Variants in PTPRD observed in about 807,000 individuals in gnomAD.
The protein encoded by PTPRD is receptor-type tyrosine-protein phosphatase delta.
A neutral mutation model predicts 214.5 loss-of-function variants in PTPRD; 34 were observed. That is an observed-to-expected ratio of 0.16 (90% CI 0.12 to 0.21). The LOEUF (loss-of-function observed/expected upper bound fraction) is 0.21, where lower values mean the gene tolerates loss of function less well. Among genes scored for constraint, PTPRD ranks in the 10% least tolerant of loss-of-function variants. The probability of loss-of-function intolerance (pLI) is 1.00; values close to 1 mark genes in which losing one functional copy is unlikely to be tolerated. For missense variants in PTPRD, 2,545 were observed against 2,398.7 expected (o/e 1.06, Z -1.27); for synonymous variants, 1,128 against 845.7 (o/e 1.33, Z -5.79).
intron 2 of PTPRD, among the ~76,000 whole-genome samples, chr9:10,509,397 T>C (rs2047176260): frequency 6.6e-6 from 1 of 151,400 alleles, no homozygotes; most frequent in Non-Finnish European, 1.5e-5. Flanking sequence ...ACGGTTATTT[T>C]ACTCCTCTTG....
At chr9:8,450,309 G>A (rs567678336) in intron 33 of PTPRD, among the ~76,000 whole-genome samples, 1 of 152,224 alleles carries the variant, frequency 6.6e-6, no homozygotes, top group African/African-American at 2.4e-5. Flanking sequence ...TGACTACAGA[G>A]AGTAGATGCC....
chr9:10,602,159 T>A (rs1470371625), intron 2 of PTPRD, among the ~76,000 whole-genome samples: 1 of 151,834 alleles, frequency 6.6e-6, no homozygotes, highest in South Asian at 2.1e-4. Context: ...TGCCATCTTG[T>A]GGTATTAATT....
chr9:9,065,494 G>T (rs74552863), intron 10 of PTPRD, among the ~76,000 whole-genome samples: 1,646 of 152,300 alleles, frequency 0.011, 31 homozygotes, highest in African/African-American at 0.038. Flanking sequence ...AAGATACACG[G>T]TCAAGTGTGT....
chr9:9,425,805 T>C (rs2080652183), intron 8 of PTPRD, among the ~76,000 whole-genome samples: 1 of 152,188 alleles, frequency 6.6e-6, no homozygotes, highest in South Asian at 2.1e-4. Context: ...CTGGAATTTC[T>C]TCACCACTAA....
chr9:8,365,816 C>G (rs1216259281), intron 39 of PTPRD, among the ~76,000 whole-genome samples: 1 of 152,132 alleles, frequency 6.6e-6, no homozygotes, highest in East Asian at 1.9e-4. Context: ...GGATGAAAAG[C>G]CTTGGGGAGA....
intron 4 of PTPRD, among the ~76,000 whole-genome samples, chr9:9,950,722 C>CAA (rs922771507): frequency 0.048 from 129 of 2,660 alleles, 47 homozygotes; most frequent in Non-Finnish European, 0.053. Context: ...GACTCCGTCT[C>CAA]AAAAAAAAAA....
intron 3 of PTPRD, among the ~76,000 whole-genome samples, chr9:10,047,341 T>TGTGTGTGC (rs2097424647): frequency 8.6e-5 from 13 of 150,526 alleles, no homozygotes; most frequent in African/African-American, 2.9e-4. Flanking sequence ...TGTGTGTGCG[T>TGTGTGTGC]GTGTGTGTGT....
At chr9:8,912,572 A>C (rs1445602730) in intron 11 of PTPRD, among the ~76,000 whole-genome samples, 1 of 152,172 alleles carries the variant, frequency 6.6e-6, no homozygotes, top group African/African-American at 2.4e-5. Context: ...GATTGTGGTA[A>C]TAGATACAAA....
At chr9:8,650,649 T>TA (rs2096789678) in intron 12 of PTPRD, among the ~76,000 whole-genome samples, 1 of 152,058 alleles carries the variant, frequency 6.6e-6, no homozygotes, top group Admixed American at 6.5e-5. Context: ...AACAGTGACT[T>TA]AAAAAATATA....
In PTPRD at chr9:9,076,304, C is replaced by T. The variant is rs150633323; in HGVS notation, c.-142-57569G>A. 4.8e-3 allele frequency among the ~76,000 whole-genome samples: 727 copies of T among 152,106 alleles called. 4 individuals are homozygous for T. Among genetic ancestry groups the T allele is most frequent in the African/African-American group, 0.016 (676 of 41,538 alleles). On this transcript the variant is annotated intron_variant, in intron 10 of 45. Transcript: ENST00000381196. Reference sequence around the variant, plus strand: ...TTCTGGATATTAGCCCTTTGTCAGACGGGGAGATTGCAAAAATTTTCCCCC... The same window carrying T: ...TTCTGGATATTAGCCCTTTGTCAGATGGGGAGATTGCAAAAATTTTCCCCC...
intron 2 of PTPRD, among the ~76,000 whole-genome samples, chr9:10,351,057 G>T: frequency 6.6e-6 from 1 of 152,026 alleles, no homozygotes; most frequent in African/African-American, 2.4e-5. Context: ...ACAAAAGGAG[G>T]TTCACTAGGA....
intron 5 of PTPRD, among the ~76,000 whole-genome samples, chr9:9,823,849 ATAAT>A (rs1183714045): frequency 6.6e-6 from 1 of 152,098 alleles, no homozygotes; most frequent in Non-Finnish European, 1.5e-5. Flanking sequence ...ATATTTCAAA[ATAAT>A]TAGAGGAGCA....
chr9:10,157,742 C>T (rs1271651120), intron 3 of PTPRD, among the ~76,000 whole-genome samples: 4 of 152,046 alleles, frequency 2.6e-5, no homozygotes, highest in Admixed American at 6.6e-5. Flanking sequence ...AAGTTGGTTC[C>T]ATTCCATTAT....
chr9:8,526,024 A>C (rs2074015773), intron 17 of PTPRD, among the ~76,000 whole-genome samples: 1 of 152,106 alleles, frequency 6.6e-6, no homozygotes, highest in African/African-American at 2.4e-5. Context: ...ATTGTAGACG[A>C]GTGGGATCAG....
intron 11 of PTPRD, among the ~76,000 whole-genome samples, chr9:8,855,613 G>A (rs758424661): frequency 6.6e-6 from 1 of 152,140 alleles, no homozygotes; most frequent in Non-Finnish European, 1.5e-5. Flanking sequence ...TATAAGAACA[G>A]ATGATTTCTA....
At chr9:9,846,996 A>G (rs2059660570) in intron 5 of PTPRD, among the ~76,000 whole-genome samples, 1 of 152,086 alleles carries the variant, frequency 6.6e-6, no homozygotes, top group Non-Finnish European at 1.5e-5. Flanking sequence ...TTTTTTGAGT[A>G]TGCCAGAAAA....
At chr9:8,433,593 T>C (rs1338741796) in intron 35 of PTPRD, among the ~76,000 whole-genome samples, 1 of 152,156 alleles carries the variant, frequency 6.6e-6, no homozygotes, top group Non-Finnish European at 1.5e-5. Flanking sequence ...AATGCATGTC[T>C]TTGCAACTTA....
rs73422060 is a variant in PTPRD, at chr9:8,919,508, T to C, written c.-104+99189A>G. ...TAGATACAGACTTGCTCTATTATTA[T>C]AGTTTTCATTCTAAAAATTAGCTTA... is the stretch of plus-strand genomic sequence containing the variant. On this transcript the variant is annotated intron_variant, in intron 11 of 45. Coordinates refer to ENST00000381196, the MANE Select transcript of PTPRD (RefSeq NM_002839.4). Among the ~76,000 whole-genome samples, 944 of 152,304 alleles carry C rather than the reference T, an allele frequency of 6.2e-3. 11 individuals are homozygous for C. Among genetic ancestry groups the C allele is most frequent in the African/African-American group, 0.021 (891 of 41,562 alleles).
At chr9:9,409,239 G>A (rs529951892) in intron 8 of PTPRD, among the ~76,000 whole-genome samples, 9 of 151,942 alleles carry the variant, frequency 5.9e-5, no homozygotes, top group African/African-American at 2.2e-4. Flanking sequence ...TTATGCACCT[G>A]CCACTCCTCT....
Sources: allele counts gnomAD v4.1 joint callset (sites outside exome capture counted in the v4.1 genomes callset), GRCh38; gene constraint gnomAD v4.1.1; transcripts MANE v1.5; gene names NCBI Gene and HGNC (gene_info 2026-07-23, HGNC 2026-07-21).